Variants in RIMS1 observed in about 807,000 individuals in gnomAD.
RIMS1 encodes the protein regulating synaptic membrane exocytosis 1, also known as regulating synaptic membrane exocytosis protein 1.
In RIMS1, 83 loss-of-function variants were observed where a neutral mutation model predicts 214.1. The ratio of observed to expected loss-of-function variants is 0.39; its 90% CI spans 0.32 to 0.47. The LOEUF is 0.47. Among genes scored for constraint, RIMS1 ranks in the 20% least tolerant of loss-of-function variants. The pLI is 0.99. For missense variants in RIMS1, 2,050 were observed against 2,161.8 expected (o/e 0.95, Z 1.03); for synonymous variants, 793 against 786.8 (o/e 1.01, Z -0.13).
chr6:72,231,567 T>C (rs1280383190), intron 6 of RIMS1, among the ~76,000 whole-genome samples: 1 of 151,724 alleles, frequency 6.6e-6, no homozygotes, highest in East Asian at 1.9e-4. Flanking sequence ...TACGGGATAC[T>C]GTATGAGTCC....
At chr6:72,270,866 T>G (rs2082703799) in intron 22 of RIMS1, among the ~76,000 whole-genome samples, 1 of 152,192 alleles carries the variant, frequency 6.6e-6, no homozygotes. Context: ...AAAGGCTTAC[T>G]TGAATGAATT....
intron 2 of RIMS1, among the ~76,000 whole-genome samples, chr6:72,076,706 T>G (rs1255236923): frequency 6.6e-6 from 1 of 152,160 alleles, no homozygotes; most frequent in Non-Finnish European, 1.5e-5. Flanking sequence ...GATGCTATCC[T>G]GGGAAATAAT....
intron 1 of RIMS1, among the ~76,000 whole-genome samples, chr6:71,964,096 G>T (rs1285338514): frequency 6.6e-6 from 1 of 152,172 alleles, no homozygotes; most frequent in South Asian, 2.1e-4. Context: ...GAGGGGAGCA[G>T]ATTGTAGTAG....
At chr6:72,014,850 A>G (rs1266599472) in intron 2 of RIMS1, among the ~76,000 whole-genome samples, 1 of 152,240 alleles carries the variant, frequency 6.6e-6, no homozygotes, top group Non-Finnish European at 1.5e-5. Context: ...AATAAGGTCA[A>G]GCATCCTTTC....
intron 2 of RIMS1, among the ~76,000 whole-genome samples, chr6:72,080,986 G>A (rs1002540769): frequency 3.3e-5 from 5 of 152,172 alleles, no homozygotes; most frequent in Non-Finnish European, 5.9e-5. Flanking sequence ...GAAGGGCAAA[G>A]GGCAATAAAA....
At chr6:72,232,463 G>A (rs1217141413) in intron 6 of RIMS1, among the ~76,000 whole-genome samples, 1 of 151,574 alleles carries the variant, frequency 6.6e-6, no homozygotes, top group African/African-American at 2.4e-5. Flanking sequence ...TAACTGAGGT[G>A]GCCCAGTAGG....
intron 22 of RIMS1, among the ~76,000 whole-genome samples, chr6:72,271,089 A>G (rs1218915583): frequency 6.6e-6 from 1 of 151,822 alleles, no homozygotes; most frequent in Non-Finnish European, 1.5e-5. Context: ...AACATGGTGA[A>G]ACCCCGTCTC....
At chr6:71,919,742 C>G (rs1461032016) in intron 1 of RIMS1, among the ~76,000 whole-genome samples, 1 of 151,824 alleles carries the variant, frequency 6.6e-6, no homozygotes, top group Non-Finnish European at 1.5e-5. Context: ...AAGAGTAAGC[C>G]CTGAAGACTG....
At chr6:72,347,451 C>G (rs1401661021) in intron 29 of RIMS1, among the ~76,000 whole-genome samples, 1 of 151,904 alleles carries the variant, frequency 6.6e-6, no homozygotes, top group Non-Finnish European at 1.5e-5. Flanking sequence ...TTTCCCCAAA[C>G]TGTTCTTAGT....
intron 1 of RIMS1, among the ~76,000 whole-genome samples, chr6:71,915,896 G>C (rs1778252097): frequency 6.6e-6 from 1 of 152,070 alleles, no homozygotes; most frequent in Admixed American, 6.6e-5. Flanking sequence ...TATGGCAGCA[G>C]TCAAGAGAGT....
chr6:71,973,450 G>A (rs1053019539), intron 2 of RIMS1, among the ~76,000 whole-genome samples: 3 of 152,160 alleles, frequency 2.0e-5, no homozygotes, highest in Non-Finnish European at 2.9e-5. Flanking sequence ...GGGTGGTCAT[G>A]GATGTTTACA....
intron 4 of RIMS1, among the ~76,000 whole-genome samples, chr6:72,136,594 C>T (rs550387016): frequency 8.6e-5 from 13 of 151,978 alleles, no homozygotes; most frequent in Non-Finnish European, 1.3e-4. Context: ...AATTTTTGGA[C>T]GTGAAAACAT....
At chr6:72,099,431 G>A (rs909590390) in intron 3 of RIMS1, among the ~76,000 whole-genome samples, 2 of 151,968 alleles carry the variant, frequency 1.3e-5, no homozygotes, top group Admixed American at 1.3e-4. Flanking sequence ...TATAACAAAC[G>A]TTGAAATGTG....
Position 72,182,453 on chromosome 6 carries a change from C to T in RIMS1, c.982C>T (p.Pro328Ser). 1.2e-6 allele frequency: 2 copies of T among 1,613,720 alleles called. No individual in the cohort carries two copies. Among genetic ancestry groups the T allele is most frequent in the African/African-American group, 2.7e-5 (2 of 75,044 alleles). Residue 328 changes from proline to serine, a missense_variant, in exon 6 of 34, where the codon CCA becomes TCA. By Grantham distance (74) the Pro-to-Ser change is moderately conservative. Coordinates refer to ENST00000521978, the MANE Select transcript of RIMS1 (RefSeq NM_014989.7). ...TGAGAAAGGGCGATCACAGGATTAC[C>T]CAGACACGCCGGAAAAACGGGATGA... ...RLEKGRSQDY[P>S]DTPEKRDEGK...
chr6:72,088,851 T>A (rs1835392298), intron 2 of RIMS1, among the ~76,000 whole-genome samples: 2 of 151,890 alleles, frequency 1.3e-5, no homozygotes, highest in African/African-American at 4.8e-5. Context: ...GGCAAAATGC[T>A]TTCCATAGTA....
In RIMS1 at chr6:72,225,963, A is replaced by G. The variant is rs17783041; in HGVS notation, c.1679-7810A>G. Reference sequence around the variant, plus strand: ...TACACATGAAATTTATTCTTCTCCAAACTGTTTTGTGTGGAAAGCATTTTG... The same window carrying G: ...TACACATGAAATTTATTCTTCTCCAGACTGTTTTGTGTGGAAAGCATTTTG... On this transcript the variant is annotated intron_variant, in intron 6 of 33. Coordinates refer to ENST00000521978, the MANE Select transcript of RIMS1 (RefSeq NM_014989.7). 4.6e-5 allele frequency among the ~76,000 whole-genome samples: 7 copies of G among 152,126 alleles called. No homozygotes were observed. The East Asian group carries it at 7.7e-4, about 17-fold the overall frequency.
chr6:71,971,921 A>G (rs1795960440), intron 2 of RIMS1, among the ~76,000 whole-genome samples: 1 of 152,208 alleles, frequency 6.6e-6, no homozygotes, highest in Non-Finnish European at 1.5e-5. Flanking sequence ...TGGTGAGTTC[A>G]GATTTTCATA....
intron 6 of RIMS1, among the ~76,000 whole-genome samples, chr6:72,208,832 C>T (rs2053346048): frequency 6.6e-6 from 1 of 152,072 alleles, no homozygotes; most frequent in Non-Finnish European, 1.5e-5. Flanking sequence ...TGAAAAATTC[C>T]CTACTCAACC....
intron 27 of RIMS1, among the ~76,000 whole-genome samples, chr6:72,308,090 T>G (rs1263389602): frequency 6.6e-6 from 1 of 152,148 alleles, no homozygotes; most frequent in African/African-American, 2.4e-5. Flanking sequence ...TATTTGTGAA[T>G]GATAAAAATT....
Sources: gnomAD v4.1 joint callset for allele counts (sites outside exome capture counted in the v4.1 genomes callset) on GRCh38, gnomAD v4.1.1 for gene constraint, MANE v1.5 for transcripts, NCBI Gene and HGNC (gene_info 2026-07-23, HGNC 2026-07-21) for gene names.